Variants in PRKCA observed in about 807,000 individuals in gnomAD.
PRKCA encodes the protein protein kinase C alpha.
In PRKCA, 27 loss-of-function variants were observed where a neutral mutation model predicts 87.0. The ratio of observed to expected loss-of-function variants is 0.31; its 90% CI spans 0.23 to 0.43. The LOEUF (loss-of-function observed/expected upper bound fraction) is 0.43, where lower values mean the gene tolerates loss of function less well. Ranked by LOEUF, PRKCA falls within the 20% of genes least tolerant of loss-of-function variation. PRKCA has a pLI of 1.00. For missense variants in PRKCA, 518 were observed against 852.3 expected, an observed-to-expected ratio of 0.61 and a Z score of 4.88; for synonymous variants, 329 against 311.1, an observed-to-expected ratio of 1.06 and a Z score of -0.61.
intron 3 of PRKCA, among the ~76,000 whole-genome samples, chr17:66,505,618 G>A (rs1916941241): frequency 6.6e-6 from 1 of 152,076 alleles, no homozygotes; most frequent in South Asian, 2.1e-4. Flanking sequence ...GATTGTCTCG[G>A]GAGGCAGACA....
chr17:66,651,939 T>C (rs963377922), intron 5 of PRKCA, among the ~76,000 whole-genome samples: 1 of 152,152 alleles, frequency 6.6e-6, no homozygotes, highest in Admixed American at 6.5e-5. Flanking sequence ...TTAACCTTGA[T>C]TATTTTATTT....
intron 2 of PRKCA, among the ~76,000 whole-genome samples, chr17:66,365,987 A>G (rs893432626): frequency 1.1e-4 from 17 of 152,172 alleles, no homozygotes; most frequent in African/African-American, 3.9e-4. Flanking sequence ...GAATGGAGAC[A>G]TTTGTATTAG....
At chr17:66,650,196 G>A (rs754193409) in intron 5 of PRKCA, among the ~76,000 whole-genome samples, 3 of 152,188 alleles carry the variant, frequency 2.0e-5, no homozygotes, top group Non-Finnish European at 4.4e-5. Flanking sequence ...AGAAACTCCC[G>A]ACAGGAGCTC....
At chr17:66,367,777 A>G (rs1437698817) in intron 2 of PRKCA, among the ~76,000 whole-genome samples, 1 of 152,190 alleles carries the variant, frequency 6.6e-6, no homozygotes, top group Non-Finnish European at 1.5e-5. Flanking sequence ...GGCAATGTTC[A>G]ACTTAATTAT....
chr17:66,486,167 C>T lies in PRKCA; in HGVS notation c.206-10034C>T, dbSNP rs76991432. On this transcript the variant is annotated intron_variant, in intron 2 of 16. Transcript: ENST00000413366. ...TTGGGTTTCTCTTTAAATATTTTTG[C>T]GTGATTTGTCATATACTTATCTTTA... Among the ~76,000 whole-genome samples the T allele has an allele frequency of 8.2e-3, 1,255 of 152,138 alleles. 3 individuals are homozygous for T. The highest frequency in any genetic ancestry group is 0.013 in the Non-Finnish European group (873 of 67,998).
chr17:66,319,886 C>A (rs371975300), intron 2 of PRKCA, among the ~76,000 whole-genome samples: 13 of 152,102 alleles, frequency 8.5e-5, no homozygotes, highest in African/African-American at 3.1e-4. Context: ...GGATTACAGG[C>A]GCCTGCCACC....
At chr17:66,488,166 A>G (rs985244690) in intron 2 of PRKCA, among the ~76,000 whole-genome samples, 1 of 152,116 alleles carries the variant, frequency 6.6e-6, no homozygotes, top group African/African-American at 2.4e-5. Context: ...TTCATTTTCT[A>G]CAACCTGCCA....
chr17:66,358,070 G>T (rs1042198013), intron 2 of PRKCA, among the ~76,000 whole-genome samples: 1 of 152,066 alleles, frequency 6.6e-6, no homozygotes, highest in Non-Finnish European at 1.5e-5. Context: ...TTTATAATTA[G>T]ATCTCTTGAA....
intron 5 of PRKCA, among the ~76,000 whole-genome samples, chr17:66,656,516 A>T (rs1407322848): frequency 8.4e-6 from 1 of 118,642 alleles, no homozygotes; most frequent in Non-Finnish European, 1.7e-5. Context: ...CTGTGAAATT[A>T]TTGCAAGGAA....
intron 3 of PRKCA, among the ~76,000 whole-genome samples, chr17:66,500,384 G>A (rs1482991450): frequency 1.3e-5 from 2 of 152,180 alleles, no homozygotes; most frequent in South Asian, 4.1e-4. Flanking sequence ...GCTGCACCAG[G>A]GAGATAGTTG....
chr17:66,566,629 T>C (rs1014191032), intron 3 of PRKCA, among the ~76,000 whole-genome samples: 13 of 152,156 alleles, frequency 8.5e-5, no homozygotes, highest in Non-Finnish European at 1.5e-4. Context: ...TAAGTATAGT[T>C]ATATCCTTCT....
At chr17:66,520,962 G>T (rs1406160375) in intron 3 of PRKCA, among the ~76,000 whole-genome samples, 1 of 152,124 alleles carries the variant, frequency 6.6e-6, no homozygotes, top group East Asian at 1.9e-4. Context: ...TGATTTAAAA[G>T]TCTCCATGCC....
chr17:66,749,661 C>T (rs567550921), intron 13 of PRKCA, among the ~76,000 whole-genome samples: 1 of 152,206 alleles, frequency 6.6e-6, no homozygotes, highest in Non-Finnish European at 1.5e-5. Flanking sequence ...GGTCTGGAGC[C>T]GTGCCTGGCA....
rs577642854 is a variant in PRKCA, at chr17:66,699,435, G to A, written c.918+10388G>A. On this transcript the variant is annotated intron_variant, in intron 8 of 16. Coordinates refer to ENST00000413366, the MANE Select transcript of PRKCA (RefSeq NM_002737.3). ...ACAAATTGGATAACCCAGAAGATATGAATAAATTTCTAGAAACATACAACC... is the reference window on the plus strand; with the variant it reads ...ACAAATTGGATAACCCAGAAGATATAAATAAATTTCTAGAAACATACAACC... 7.0e-4 allele frequency among the ~76,000 whole-genome samples: 107 copies of A among 152,166 alleles called. 2 individuals are homozygous for A. The highest frequency in any genetic ancestry group is 2.4e-3 in the African/African-American group (101 of 41,502).
intron 2 of PRKCA, among the ~76,000 whole-genome samples, chr17:66,346,413 A>AT (rs1188317205): frequency 5.3e-5 from 7 of 132,714 alleles, no homozygotes; most frequent in Non-Finnish European, 9.6e-5. Flanking sequence ...TCTTTTTTAA[A>AT]TTAAAAAAAA....
At chr17:66,765,428 A>ATATCTATATATCTATATATCTATATC (rs1568020922) in intron 13 of PRKCA, among the ~76,000 whole-genome samples, 6 of 102,824 alleles carry the variant, frequency 5.8e-5, no homozygotes, top group Admixed American at 4.0e-4. Context: ...CTATATATAT[A>ATATCTATATATCTATATATCTATATC]TATATATATA....
At chr17:66,573,320 C>A (rs72845927) in intron 3 of PRKCA, among the ~76,000 whole-genome samples, 8,951 of 152,252 alleles carry the variant, frequency 0.059, 338 homozygotes, top group Non-Finnish European at 0.084. Context: ...CTGAGTAATT[C>A]TAGCTTGCCT....
chr17:66,640,678 T>A (rs1280331652), intron 3 of PRKCA, among the ~76,000 whole-genome samples: 1 of 152,144 alleles, frequency 6.6e-6, no homozygotes, highest in Non-Finnish European at 1.5e-5. Context: ...ACACACCGAT[T>A]TTGTGTCTAC....
intron 2 of PRKCA, among the ~76,000 whole-genome samples, chr17:66,370,364 T>C (rs1184054433): frequency 6.6e-6 from 1 of 150,988 alleles, no homozygotes; most frequent in East Asian, 2.0e-4. Flanking sequence ...CTGGAGTAGC[T>C]GGGACTACGG....
Sources: allele counts gnomAD v4.1 joint callset (sites outside exome capture counted in the v4.1 genomes callset), GRCh38; gene constraint gnomAD v4.1.1; transcripts MANE v1.5; gene names NCBI Gene and HGNC (gene_info 2026-07-23, HGNC 2026-07-21).